Variants in DHRS7B observed in about 807,000 individuals in gnomAD.
The protein encoded by DHRS7B is dehydrogenase/reductase 7B.
Under a neutral mutation model 26.4 loss-of-function variants are expected in DHRS7B, and 24 were observed. That is an observed-to-expected ratio of 0.91 (90% CI 0.66 to 1.28). The LOEUF (loss-of-function observed/expected upper bound fraction) is 1.28. Ranked by LOEUF, DHRS7B falls within the 50% of genes most tolerant of loss-of-function variation. The probability of loss-of-function intolerance (pLI) is 0.00; values close to 1 mark genes in which losing one functional copy is unlikely to be tolerated. For missense variants in DHRS7B, 368 were observed against 419.4 expected, an observed-to-expected ratio of 0.88 and a Z score of 1.07; for synonymous variants, 142 against 166.4, an observed-to-expected ratio of 0.85 and a Z score of 1.13.
rs116321095 is a variant in DHRS7B at position 21,178,393 on chromosome 17, T to C, written c.309+51T>C. On this transcript the variant is annotated intron_variant, in intron 3 of 6. Transcript: ENST00000395511. Reference sequence around the variant, plus strand: ...GGGAAGGAGTGCAGGCCGTCTTCTGTAGGCACTGAGGAGATAGTGGCCCAC... The same window carrying C: ...GGGAAGGAGTGCAGGCCGTCTTCTGCAGGCACTGAGGAGATAGTGGCCCAC... 388 of 1,482,038 alleles carry C rather than the reference T, an allele frequency of 2.6e-4. 2 individuals are homozygous for C. The African/African-American group carries it at 5.1e-3, about 19-fold the overall frequency. 91.8% of individuals were successfully genotyped at this position (1,482,038 alleles called of 1,614,324 possible). A position where few individuals can be genotyped will look rare whatever the true frequency, so the allele number is the denominator to read the frequency against.
intron 6 of DHRS7B, among the ~76,000 whole-genome samples, chr17:21,189,830 A>C (rs1041569676): frequency 6.6e-5 from 10 of 152,210 alleles, no homozygotes; most frequent in Admixed American, 6.5e-4. Flanking sequence ...AAAACACAGA[A>C]CAGACATTGG....
intron 1 of DHRS7B, among the ~76,000 whole-genome samples, chr17:21,156,684 A>C (rs1181855860): frequency 5.3e-5 from 8 of 152,040 alleles, no homozygotes; most frequent in Admixed American, 5.2e-4. Context: ...AGGCCAAGGC[A>C]GGTGGATCAC....
At chr17:21,190,278 A>G (rs1974746622) in intron 6 of DHRS7B, among the ~76,000 whole-genome samples, 1 of 152,202 alleles carries the variant, frequency 6.6e-6, no homozygotes, top group South Asian at 2.1e-4. Context: ...GGTAGAAGGA[A>G]CATCAGTTGC....
At chr17:21,150,415 G>C (rs986329962) in intron 1 of DHRS7B, among the ~76,000 whole-genome samples, 1 of 152,030 alleles carries the variant, frequency 6.6e-6, no homozygotes, top group African/African-American at 2.4e-5. Flanking sequence ...TCAGGAGTTT[G>C]AGACCAGCCT....
At chr17:21,158,305 A>AATGAAAT (rs1973924803) in intron 1 of DHRS7B, among the ~76,000 whole-genome samples, 1 of 152,240 alleles carries the variant, frequency 6.6e-6, no homozygotes, top group African/African-American at 2.4e-5. Context: ...AAGACAAGAA[A>AATGAAAT]ATGAAATAAA....
At chr17:21,136,328 G>C (rs1973340590) in intron 1 of DHRS7B, among the ~76,000 whole-genome samples, 1 of 149,114 alleles carries the variant, frequency 6.7e-6, no homozygotes, top group Non-Finnish European at 1.5e-5. Flanking sequence ...GATTTAGCAA[G>C]ACTTGGTGTC....
At chr17:21,158,717 A>C (rs1006326622) in intron 1 of DHRS7B, among the ~76,000 whole-genome samples, 1 of 152,206 alleles carries the variant, frequency 6.6e-6, no homozygotes, top group African/African-American at 2.4e-5. Context: ...GTGGAAAGGC[A>C]AAAGACCAAG....
At chr17:21,158,231 C>T (rs1183055363) in intron 1 of DHRS7B, among the ~76,000 whole-genome samples, 1 of 152,118 alleles carries the variant, frequency 6.6e-6, no homozygotes, top group East Asian at 1.9e-4. Flanking sequence ...TTTTTCCCAC[C>T]CAAATCTCAT....
At chr17:21,143,342 G>A (rs11871685) in intron 1 of DHRS7B, among the ~76,000 whole-genome samples, 52,792 of 152,086 alleles carry the variant, frequency 0.35, 10,536 homozygotes, top group Non-Finnish European at 0.44. Flanking sequence ...GATTACAGGC[G>A]TGAGCCACTG....
chr17:21,162,015 A>G (rs72840004), intron 1 of DHRS7B, among the ~76,000 whole-genome samples: 1,895 of 151,970 alleles, frequency 0.012, 28 homozygotes, highest in Non-Finnish European at 0.02. Context: ...TTTTTCACAC[A>G]GCTCTAAAAA....
At chr17:21,139,056 C>CA (rs1267104194) in intron 1 of DHRS7B, among the ~76,000 whole-genome samples, 6 of 152,270 alleles carry the variant, frequency 3.9e-5, no homozygotes, top group Admixed American at 1.3e-4. Flanking sequence ...TCTTAACCTC[C>CA]AATCTGTCCT....
chr17:21,149,444 C>T (rs1009086504), intron 1 of DHRS7B, among the ~76,000 whole-genome samples: 2 of 152,148 alleles, frequency 1.3e-5, no homozygotes, highest in African/African-American at 2.4e-5. Context: ...AAGTTAAGTA[C>T]GTGGACAAAC....
At position 21,191,110 on chromosome 17, in the gene DHRS7B, T is replaced by C; in HGVS notation, c.935T>C (p.Met312Thr). ...TLAPGLFFSL[M>T]ASRARKERKS... ...GCTCCTGGGCTCTTCTTCAGCCTCA[T>C]GGCCTCCAGGGCCAGAAAAGAGCGG... is the stretch of plus-strand genomic sequence containing the variant. The change falls in exon 7 of 7, where the codon ATG (methionine) becomes ACG (threonine). Residue 312 changes from methionine (M) to threonine (T), a missense_variant. Met to Thr is a moderately conservative substitution (Grantham distance 81). Coordinates refer to ENST00000395511, the MANE Select transcript of DHRS7B (RefSeq NM_015510.5). The C allele has an allele frequency of 6.2e-7, 1 of 1,614,072 alleles. No individual in the cohort carries two copies. Among genetic ancestry groups the C allele is most frequent in the Non-Finnish European group, 8.5e-7 (1 of 1,180,050 alleles).
At chr17:21,150,117 A>C (rs1272697976) in intron 1 of DHRS7B, among the ~76,000 whole-genome samples, 17 of 141,816 alleles carry the variant, frequency 1.2e-4, no homozygotes, top group East Asian at 2.0e-4. Flanking sequence ...AAAAAAAAAA[A>C]AAAAAAAAAA....
At chr17:21,150,338 C>T (rs576822183) in intron 1 of DHRS7B, among the ~76,000 whole-genome samples, 163 of 152,142 alleles carry the variant, frequency 1.1e-3, no homozygotes, top group Non-Finnish European at 1.9e-3. Context: ...TTTCTTTGTC[C>T]GGGCATGGTG....
At chr17:21,136,831 C>T (rs1415364712) in intron 1 of DHRS7B, among the ~76,000 whole-genome samples, 3 of 151,912 alleles carry the variant, frequency 2.0e-5, no homozygotes, top group Admixed American at 1.3e-4. Context: ...GCTGGGATTA[C>T]AGGTGTGAGC....
intron 3 of DHRS7B, among the ~76,000 whole-genome samples, chr17:21,179,869 C>T (rs187662428): frequency 5.1e-4 from 77 of 151,102 alleles, no homozygotes; most frequent in Admixed American, 9.2e-4. Flanking sequence ...TGGGTTCAAG[C>T]GATTCTCCTG....
chr17:21,153,909 C>T (rs1212006087), intron 1 of DHRS7B, among the ~76,000 whole-genome samples: 1 of 151,986 alleles, frequency 6.6e-6, no homozygotes, highest in Admixed American at 6.5e-5. Flanking sequence ...GGAAAAAAGA[C>T]TATACAGACA....
chr17:21,171,050 G>C lies in DHRS7B; in HGVS notation c.21-968G>C, dbSNP rs192192937. On this transcript the variant is annotated intron_variant, in intron 1 of 6. Coordinates refer to ENST00000395511, the MANE Select transcript of DHRS7B (RefSeq NM_015510.5). ...AACCACAGCCCTGGAGGTGGACTCGGGGGGGGCCTTTTGTCTCATAGACTC... is the reference window on the plus strand; with the variant it reads ...AACCACAGCCCTGGAGGTGGACTCGCGGGGGGCCTTTTGTCTCATAGACTC... Among the ~76,000 whole-genome samples the C allele has an allele frequency of 2.8e-3, 366 of 131,470 alleles. 2 individuals carry two copies. Among genetic ancestry groups the C allele is most frequent in the African/African-American group, 0.012 (342 of 28,338 alleles). 86.2% of individuals were successfully genotyped at this position (131,470 alleles called of 152,430 possible).
Sources: allele counts gnomAD v4.1 joint callset (sites outside exome capture counted in the v4.1 genomes callset), GRCh38; gene constraint gnomAD v4.1.1; transcripts MANE v1.5; gene names NCBI Gene and HGNC (gene_info 2026-07-23, HGNC 2026-07-21).